Variants in CASP4 observed in about 807,000 individuals in gnomAD.
The protein encoded by CASP4 is caspase 4, also known as caspase-4.
In CASP4, 29 loss-of-function variants were observed where a neutral mutation model predicts 41.3. The ratio of observed to expected loss-of-function variants is 0.70; its 90% CI spans 0.52 to 0.96. The LOEUF (loss-of-function observed/expected upper bound fraction) is 0.96. Among genes scored for constraint, CASP4 ranks in the 40% least tolerant of loss-of-function variants. CASP4 has a pLI of 0.00. For missense variants in CASP4, 447 were observed against 460.6 expected (o/e 0.97, Z 0.27); for synonymous variants, 185 against 158.4 (o/e 1.17, Z -1.26).
At chr11:104,966,040 A>G (rs1246750790) in intron 1 of CASP4, among the ~76,000 whole-genome samples, 1 of 152,080 alleles carries the variant, frequency 6.6e-6, no homozygotes, top group Non-Finnish European at 1.5e-5. Flanking sequence ...CTGCCAAATT[A>G]TCTTTAAACG....
chr11:104,967,422 G>T (rs1256590409), intron 1 of CASP4, among the ~76,000 whole-genome samples: 1 of 152,018 alleles, frequency 6.6e-6, no homozygotes, highest in Non-Finnish European at 1.5e-5. Flanking sequence ...AAAGATTAAT[G>T]GAAAAACTGG....
At chr11:104,944,204 G>A (rs991366065) in intron 8 of CASP4, 12 of 158,108 alleles carry the variant, frequency 7.6e-5, no homozygotes, top group Admixed American at 5.9e-5. Context: ...GTACCATCTG[G>A]TAATGGTATC....
intron 1 of CASP4, 31 bp from the exon 2 acceptor site, chr11:104,955,032 T>C (rs745747780): frequency 1.2e-6 from 2 of 1,604,020 alleles, no homozygotes; most frequent in East Asian, 2.2e-5. Flanking sequence ...CCTTTAACTA[T>C]GGGCACAGCT....
At chr11:104,945,076 C>T (rs896400581) in intron 7 of CASP4, among the ~76,000 whole-genome samples, 1 of 152,138 alleles carries the variant, frequency 6.6e-6, no homozygotes, top group Non-Finnish European at 1.5e-5. Context: ...ATGTCTAATC[C>T]AAGGTCTTTC....
chr11:104,951,716 G>T, intron 3 of CASP4, 180 bp downstream of exon 3: 3 of 648,204 alleles, frequency 4.6e-6, no homozygotes, highest in Non-Finnish European at 8.5e-6. Flanking sequence ...TCTGCATCAT[G>T]GATTGAGAAA....
intron 6 of CASP4, 36 bp downstream of exon 6, chr11:104,948,497 C>T (rs201584069): frequency 5.9e-6 from 9 of 1,535,108 alleles, no homozygotes; most frequent in Non-Finnish European, 7.9e-6. Flanking sequence ...TGGCCTCAGG[C>T]CCACAAATCC....
At chr11:104,961,304 G>A (rs540276659) in intron 1 of CASP4, among the ~76,000 whole-genome samples, 1 of 152,342 alleles carries the variant, frequency 6.6e-6, no homozygotes, top group South Asian at 2.1e-4. Context: ...TGCATTGAAG[G>A]GTGTCTGGAT....
In CASP4 at chr11:104,953,414, C is replaced by G. The variant is rs556122757; in HGVS notation, c.262+1333G>C. Reference sequence around the variant, plus strand: ...GGGTTTGCTAAAACCATTCTGAAGCCTCTATTACTTCTATTCTAATTCCCA... The same window carrying G: ...GGGTTTGCTAAAACCATTCTGAAGCGTCTATTACTTCTATTCTAATTCCCA... On this transcript the variant is annotated intron_variant, in intron 2 of 8. Coordinates refer to ENST00000444739, the MANE Select transcript of CASP4 (RefSeq NM_001225.4). 3.3e-5 allele frequency among the ~76,000 whole-genome samples: 5 copies of G among 152,246 alleles called. No individual in the cohort carries two copies. In the East Asian group the frequency reaches 9.7e-4, roughly 29 times the overall value.
chr11:104,960,061 T>C (rs989774855), intron 1 of CASP4, among the ~76,000 whole-genome samples: 7 of 152,202 alleles, frequency 4.6e-5, no homozygotes, highest in Non-Finnish European at 1.0e-4. Flanking sequence ...TCTGATACTG[T>C]TCCCACCTTG....
chr11:104,955,137 G>C, intron 1 of CASP4, 136 bp from the exon 2 acceptor site: 1 of 820,576 alleles, frequency 1.2e-6, no homozygotes, highest in South Asian at 1.8e-5. Flanking sequence ...TGTACCTATA[G>C]AGTTCTGTCA....
At chr11:104,955,365 C>T (rs188801061) in intron 1 of CASP4, among the ~76,000 whole-genome samples, 13 of 151,906 alleles carry the variant, frequency 8.6e-5, no homozygotes, top group South Asian at 4.2e-4. Context: ...TATATATTCC[C>T]GGGAAAGTCA....
Position 104,944,753 on chromosome 11 carries a change from T to C in CASP4, c.1134A>G (p.Ter378TrpextTer20). The change falls in exon 8 of 9, where the codon TGA (stop) becomes TGG (tryptophan). Residue 378 changes from the stop codon to tryptophan, a stop_lost. Transcript: ENST00000444739. ...TRYFYLFPGN* is the reference protein window; with the variant it reads ...TRYFYLFPGNW ...AACAACTCTCAATACTTAACCATTT[T>C]CAATTGCCAGGAAAGAGGTAGAAAT... 6.3e-7 allele frequency: 1 copy of C among 1,596,178 alleles called. No individual in the cohort carries two copies. The highest frequency in any genetic ancestry group is 8.6e-7 in the Non-Finnish European group (1 of 1,163,770).
At chr11:104,959,290 TG>T (rs1860807325) in intron 1 of CASP4, among the ~76,000 whole-genome samples, 1 of 152,134 alleles carries the variant, frequency 6.6e-6, no homozygotes, top group Non-Finnish European at 1.5e-5. Context: ...CTGACAATAT[TG>T]ATGAACATGA....
At chr11:104,965,708 T>C (rs906343887) in intron 1 of CASP4, among the ~76,000 whole-genome samples, 4 of 152,188 alleles carry the variant, frequency 2.6e-5, no homozygotes, top group Non-Finnish European at 4.4e-5. Context: ...GGGTCCAGTC[T>C]CCCTTTGCAG....
In CASP4 at chr11:104,949,718, G is replaced by A; in HGVS notation, c.606C>T (p.Ser202=). Reference sequence around the variant, plus strand: ...CATGAGACATGAGTACCAAGAATGTGCTGTCAGAGGACTTGTGCTCTGGTC... The same window carrying A: ...CATGAGACATGAGTACCAAGAATGTACTGTCAGAGGACTTGTGCTCTGGTC... ...ATRPEHKSSD[S]TFLVLMSHGI... Residue 202 remains serine (S), a synonymous_variant, in exon 5 of 9, where the codon AGC becomes AGT. Transcript: ENST00000444739. 6.2e-7 allele frequency: 1 copy of A among 1,613,942 alleles called. No homozygotes were observed. Among genetic ancestry groups the A allele is most frequent in the Non-Finnish European group, 8.5e-7 (1 of 1,179,902 alleles).
intron 1 of CASP4, among the ~76,000 whole-genome samples, chr11:104,955,304 T>C (rs2134647196): frequency 1.3e-5 from 2 of 152,148 alleles, no homozygotes; most frequent in Middle Eastern, 6.8e-3. Flanking sequence ...ACTGTATTCA[T>C]TTTTCTCTTT....
chr11:104,943,831 G>A (rs1860383778), intron 8 of CASP4: 1 of 152,166 alleles, frequency 6.6e-6, no homozygotes, highest in Admixed American at 6.6e-5. Flanking sequence ...TGAAGTGTCA[G>A]AAACCAAGAG....
intron 2 of CASP4, 66 bp downstream of exon 2, chr11:104,954,681 T>C: frequency 7.0e-7 from 1 of 1,421,464 alleles, no homozygotes; most frequent in Non-Finnish European, 9.8e-7. Flanking sequence ...AAGACACTGC[T>C]TAGGCCTTGG....
At position 104,949,683 on chromosome 11, in the gene CASP4, T is replaced by G. The variant is rs773099996; in HGVS notation, c.641A>C (p.Glu214Ala). 3 of 1,613,954 alleles carry G rather than the reference T, an allele frequency of 1.9e-6. No homozygotes were observed. In the South Asian group the frequency reaches 3.3e-5, roughly 18 times the overall value. ...ATCATGCACAGTTCCGCAGATTCCCTCCAGGATGCCATGAGACATGAGTAC... is the reference window on the plus strand; with the variant it reads ...ATCATGCACAGTTCCGCAGATTCCCGCCAGGATGCCATGAGACATGAGTAC... Reference protein sequence around the residue: ...FLVLMSHGILEGICGTVHDEK... With the variant: ...FLVLMSHGILAGICGTVHDEK... Residue 214 changes from glutamate (E) to alanine (A), a missense_variant, in exon 5 of 9, where the codon GAG becomes GCG. Glu to Ala is a moderately radical substitution (Grantham distance 107, BLOSUM62 -1). Coordinates refer to ENST00000444739, the MANE Select transcript of CASP4 (RefSeq NM_001225.4).
Sources: gnomAD v4.1 joint callset for allele counts (sites outside exome capture counted in the v4.1 genomes callset) on GRCh38, gnomAD v4.1.1 for gene constraint, MANE v1.5 for transcripts, NCBI Gene and HGNC (gene_info 2026-07-23, HGNC 2026-07-21) for gene names.